Variants in DENND1A observed in about 807,000 individuals in gnomAD.
DENND1A encodes the protein DENN domain containing 1A, also known as DENN domain-containing protein 1A.
Under a neutral mutation model 113.7 loss-of-function variants are expected in DENND1A, and 51 were observed. That is an observed-to-expected ratio of 0.45 (90% CI 0.36 to 0.57). DENND1A has a LOEUF of 0.57. Ranked by LOEUF, DENND1A falls within the 20% of genes least tolerant of loss-of-function variation. The probability of loss-of-function intolerance (pLI) is 0.00; values close to 1 mark genes in which losing one functional copy is unlikely to be tolerated. For synonymous variants in DENND1A, 565 were observed against 570.8 expected (o/e 0.99, Z 0.14); for missense variants, 1,258 against 1,395.9 (o/e 0.90, Z 1.57).
At chr9:123,875,278 G>A (rs565330413) in intron 2 of DENND1A, among the ~76,000 whole-genome samples, 62 of 152,300 alleles carry the variant, frequency 4.1e-4, no homozygotes, top group African/African-American at 1.5e-3. Context: ...TCTGAAGGCA[G>A]GGAGGGAGGG....
chr9:123,788,111 G>T (rs1832467311), intron 3 of DENND1A, among the ~76,000 whole-genome samples: 1 of 152,048 alleles, frequency 6.6e-6, no homozygotes, highest in Non-Finnish European at 1.5e-5. Flanking sequence ...AACTCTAATT[G>T]CCACTCTTAG....
intron 2 of DENND1A, among the ~76,000 whole-genome samples, chr9:123,856,129 GA>G (rs1333914811): frequency 6.6e-6 from 1 of 152,062 alleles, no homozygotes; most frequent in Admixed American, 6.5e-5. Context: ...GATAACAAGG[GA>G]GAAAAAAACA....
intron 2 of DENND1A, among the ~76,000 whole-genome samples, chr9:123,863,609 A>AC (rs1845378933): frequency 2.0e-5 from 3 of 152,172 alleles, no homozygotes; most frequent in African/African-American, 4.8e-5. Flanking sequence ...AAAAAAAAAA[A>AC]AACAACTTTG....
chr9:123,415,487 G>A (rs575440121), intron 19 of DENND1A, among the ~76,000 whole-genome samples: 2 of 152,298 alleles, frequency 1.3e-5, no homozygotes, highest in South Asian at 4.2e-4. Flanking sequence ...TGCCCTGCCA[G>A]GAGTGTGCAG....
chr9:123,883,000 C>G (rs1679457593), intron 1 of DENND1A, among the ~76,000 whole-genome samples: 1 of 152,184 alleles, frequency 6.6e-6, no homozygotes, highest in African/African-American at 2.4e-5. Context: ...TCTCCCCTTG[C>G]CCACTGAACT....
intron 12 of DENND1A, among the ~76,000 whole-genome samples, chr9:123,579,783 T>G (rs1259142177): frequency 1.3e-5 from 2 of 152,162 alleles, no homozygotes; most frequent in African/African-American, 4.8e-5. Context: ...GCACGATTTC[T>G]CCTCTTGATA....
intron 13 of DENND1A, among the ~76,000 whole-genome samples, chr9:123,520,728 T>G (rs2054325896): frequency 6.6e-6 from 1 of 152,220 alleles, no homozygotes; most frequent in South Asian, 2.1e-4. Context: ...TGCTCGATAA[T>G]CAAGTTCATA....
chr9:123,547,360 T>C (rs2056767866), intron 13 of DENND1A, among the ~76,000 whole-genome samples: 1 of 152,196 alleles, frequency 6.6e-6, no homozygotes, highest in South Asian at 2.1e-4. Flanking sequence ...AGAAACCCTG[T>C]TTCTACTAAA....
At chr9:123,516,147 CACACACACA>C (rs1265383431) in intron 13 of DENND1A, among the ~76,000 whole-genome samples, 46 of 84,736 alleles carry the variant, frequency 5.4e-4, no homozygotes, top group African/African-American at 2.2e-3. Context: ...CACACACACA[CACACACACA>C]AAGGTTGGGG....
At chr9:123,822,805 A>G (rs1248728735) in intron 2 of DENND1A, among the ~76,000 whole-genome samples, 1 of 152,208 alleles carries the variant, frequency 6.6e-6, no homozygotes, top group Non-Finnish European at 1.5e-5. Flanking sequence ...ATTTTTAAAA[A>G]TTCACTTCAA....
intron 13 of DENND1A, among the ~76,000 whole-genome samples, chr9:123,482,491 C>T (rs2050426563): frequency 6.6e-6 from 1 of 152,204 alleles, no homozygotes; most frequent in African/African-American, 2.4e-5. Flanking sequence ...GGACTCAGGA[C>T]CCAACTCAAA....
At chr9:123,845,514 C>CA (rs1014305553) in intron 2 of DENND1A, among the ~76,000 whole-genome samples, 1 of 151,104 alleles carries the variant, frequency 6.6e-6, no homozygotes, top group African/African-American at 2.4e-5. Context: ...ACCCACCCCC[C>CA]AAAAAATTAA....
In DENND1A at chr9:123,574,173, CTTTT is replaced by C. The variant is rs542615815; in HGVS notation, c.867+8992_867+8995del. On this transcript the variant is annotated intron_variant, in intron 12 of 23. Transcript: ENST00000394215. ...TGCATCTATATTGGTCTGTAGTTGC[CTTTT>C]TTTTTTTTTTTTTTGTTTGTAAATT... Among the ~76,000 whole-genome samples, 1,054 of 110,112 alleles carry C rather than the reference CTTTT, an allele frequency of 9.6e-3. 9 individuals carry two copies. The highest frequency in any genetic ancestry group is 0.013 in the Non-Finnish European group (681 of 52,860). 72.2% of individuals were successfully genotyped at this position (110,112 alleles called of 152,430 possible).
At chr9:123,744,770 C>CT (rs57945475) in intron 5 of DENND1A, among the ~76,000 whole-genome samples, 13,035 of 102,596 alleles carry the variant, frequency 0.13, 1,091 homozygotes, top group African/African-American at 0.19. Flanking sequence ...TATATTAGCT[C>CT]TTTTTTTTTT....
intron 5 of DENND1A, among the ~76,000 whole-genome samples, chr9:123,728,615 G>A (rs150041398): frequency 3.4e-5 from 5 of 149,226 alleles, no homozygotes; most frequent in Admixed American, 2.0e-4. Flanking sequence ...GAAACTAGAA[G>A]AGCAAAATTT....
At chr9:123,437,138 C>T (rs1204832320) in intron 19 of DENND1A, among the ~76,000 whole-genome samples, 1 of 152,182 alleles carries the variant, frequency 6.6e-6, no homozygotes, top group Non-Finnish European at 1.5e-5. Flanking sequence ...TCTGATTGGG[C>T]CTGTCCATCT....
intron 5 of DENND1A, 72 bp from the exon 6 acceptor site, chr9:123,676,861 G>C (rs2064109669): frequency 7.2e-7 from 1 of 1,392,602 alleles, no homozygotes; most frequent in Non-Finnish European, 1.0e-6. Context: ...TCTAATTCAA[G>C]ACTGATACAT....
chr9:123,453,149 A>G (rs573300840), intron 16 of DENND1A, among the ~76,000 whole-genome samples: 2 of 152,166 alleles, frequency 1.3e-5, no homozygotes, highest in African/African-American at 2.4e-5. Flanking sequence ...GGTTCTGAAG[A>G]CACCAGGCCA....
Position 123,480,015 on chromosome 9 carries a change from G to C in DENND1A, c.994-22118C>G, listed in dbSNP as rs114125338. Reference sequence around the variant, plus strand: ...TAGTGTCAGGGCAGACTCCCCTACCGAAGTAGGAGCTGATAATCTGAGGTA... The same window carrying C: ...TAGTGTCAGGGCAGACTCCCCTACCCAAGTAGGAGCTGATAATCTGAGGTA... On this transcript the variant is annotated intron_variant, in intron 13 of 23. Transcript: ENST00000394215. Among the ~76,000 whole-genome samples the C allele has an allele frequency of 7.7e-3, 1,169 of 152,312 alleles. 17 individuals are homozygous for C. The highest frequency in any genetic ancestry group is 0.026 in the African/African-American group (1,095 of 41,560).
Sources: gnomAD v4.1 joint callset for allele counts (sites outside exome capture counted in the v4.1 genomes callset) on GRCh38, gnomAD v4.1.1 for gene constraint, MANE v1.5 for transcripts, NCBI Gene and HGNC (gene_info 2026-07-23, HGNC 2026-07-21) for gene names.